CTBP2: variants seen among roughly 807,000 people sequenced by gnomAD.
CTBP2 encodes the protein C-terminal binding protein 2.
CTBP2 carries 30 observed loss-of-function variants against 80.3 expected under a neutral mutation model. That is an observed-to-expected ratio of 0.37 (90% CI 0.28 to 0.51). CTBP2 has a LOEUF of 0.51. Among genes scored for constraint, CTBP2 ranks in the 20% least tolerant of loss-of-function variants. The probability of loss-of-function intolerance (pLI) is 0.93; values close to 1 mark genes in which losing one functional copy is unlikely to be tolerated. For synonymous variants in CTBP2, 594 were observed against 587.4 expected (o/e 1.01, Z -0.16); for missense variants, 1,212 against 1,375.3 (o/e 0.88, Z 1.88).
chr10:125,129,182 T>C (rs1484315278), intron 1 of CTBP2, among the ~76,000 whole-genome samples: 1 of 152,054 alleles, frequency 6.6e-6, no homozygotes, highest in Non-Finnish European at 1.5e-5. Flanking sequence ...ACTACCTCTG[T>C]TGAAGGAAAA....
chr10:125,058,563 G>T (rs753575210), intron 2 of CTBP2, among the ~76,000 whole-genome samples: 1 of 152,088 alleles, frequency 6.6e-6, no homozygotes, highest in Non-Finnish European at 1.5e-5. Flanking sequence ...AGGCTGAGGC[G>T]GGCAGATCAC....
intron 2 of CTBP2, among the ~76,000 whole-genome samples, chr10:125,064,079 G>A (rs192424740): frequency 2.6e-4 from 39 of 152,290 alleles, no homozygotes; most frequent in African/African-American, 8.9e-4. Context: ...ACTGCCAGTA[G>A]GTTTTGTATT....
intron 2 of CTBP2, among the ~76,000 whole-genome samples, chr10:125,069,045 G>A (rs1248929271): frequency 1.3e-5 from 2 of 152,092 alleles, no homozygotes; most frequent in Admixed American, 6.5e-5. Flanking sequence ...CAGGGCTGGG[G>A]TAGAGCTGGT....
At chr10:125,030,791 C>G (rs2938002), upstream of CTBP2, among the ~76,000 whole-genome samples, 70,175 of 152,034 alleles carry the variant, frequency 0.46, 16,507 homozygotes, top group East Asian at 0.63. Context: ...CAGGGAATAG[C>G]TCATTCTCAG....
intron 2 of CTBP2, among the ~76,000 whole-genome samples, chr10:125,077,142 A>G (rs938960336): frequency 6.6e-6 from 1 of 152,328 alleles, no homozygotes; most frequent in Admixed American, 6.5e-5. Flanking sequence ...CCAAGGTTTT[A>G]TAAGTTAAAT....
intron 3 of CTBP2, 90 bp from the exon 6 acceptor site, chr10:124,998,260 G>A (rs1404060458): frequency 1.2e-5 from 17 of 1,418,458 alleles, no homozygotes; most frequent in African/African-American, 4.2e-5. Flanking sequence ...CCTGAGACTC[G>A]GTTGTTGGCA....
intron 2 of CTBP2, among the ~76,000 whole-genome samples, chr10:125,108,815 G>A (rs1286922807): frequency 6.6e-6 from 1 of 152,256 alleles, no homozygotes; most frequent in African/African-American, 2.4e-5. Context: ...CCATGCTCCA[G>A]TGATGGCCAG....
chr10:125,075,138 C>G (rs1846085459), intron 2 of CTBP2, among the ~76,000 whole-genome samples: 1 of 152,152 alleles, frequency 6.6e-6, no homozygotes, highest in Admixed American at 6.5e-5. Context: ...AAAGCTTCTG[C>G]TCATCAAAAA....
chr10:125,121,806 G>A (rs892228386), intron 1 of CTBP2, among the ~76,000 whole-genome samples: 1 of 152,206 alleles, frequency 6.6e-6, no homozygotes. Flanking sequence ...ACACCACGCT[G>A]TCACCCAGGC....
chr10:125,144,330 A>T (rs913303855), intron 1 of CTBP2, among the ~76,000 whole-genome samples: 1 of 152,328 alleles, frequency 6.6e-6, no homozygotes. Context: ...ACCAGTTCGG[A>T]TCTCGCTCGA....
chr10:124,991,532 AG>A (rs1952615416), intron 8 of CTBP2, among the ~76,000 whole-genome samples: 1 of 152,228 alleles, frequency 6.6e-6, no homozygotes, highest in South Asian at 2.1e-4. Context: ...GCACCGGCAT[AG>A]CTTCTTCAAG....
intron 2 of CTBP2, among the ~76,000 whole-genome samples, chr10:125,044,464 G>A (rs1960730630): frequency 6.6e-6 from 1 of 152,186 alleles, no homozygotes; most frequent in African/African-American, 2.4e-5. Context: ...CATGTGCTCA[G>A]GCCACCTCAA....
rs193168324 is a variant in CTBP2 at position 125,112,833 on chromosome 10, G to A, written c.-205-1740C>T. 7.9e-5 allele frequency among the ~76,000 whole-genome samples: 12 copies of A among 152,302 alleles called. No homozygotes were observed. In the East Asian group the frequency reaches 2.3e-3, roughly 29 times the overall value. On this transcript the variant is annotated intron_variant, in intron 1 of 10. Transcript: ENST00000337195. Reference sequence around the variant, plus strand: ...ATTAGCAATGGGGCTAATCTCCTAGGATCCAATCCCGTGACAGGCATTTTC... The same window carrying A: ...ATTAGCAATGGGGCTAATCTCCTAGAATCCAATCCCGTGACAGGCATTTTC...
intron 2 of CTBP2, among the ~76,000 whole-genome samples, chr10:125,110,237 C>T (rs74163337): frequency 2.0e-4 from 31 of 152,292 alleles, no homozygotes; most frequent in African/African-American, 6.7e-4. Context: ...TGTTACCTCA[C>T]GGGGAAAACA....
chr10:125,078,740 C>T (rs773037787), intron 2 of CTBP2, among the ~76,000 whole-genome samples: 5 of 152,154 alleles, frequency 3.3e-5, no homozygotes, highest in African/African-American at 1.2e-4. Context: ...GGACTCATGA[C>T]TCTCACCCAG....
At chr10:125,125,789 G>A (rs1012893597) in intron 1 of CTBP2, among the ~76,000 whole-genome samples, 1 of 152,210 alleles carries the variant, frequency 6.6e-6, no homozygotes, top group Non-Finnish European at 1.5e-5. Flanking sequence ...AAAAACAGCA[G>A]AAAGCTCTTG....
intron 3 of CTBP2, chr10:125,000,383 G>A (rs1405023570): frequency 6.6e-6 from 1 of 152,248 alleles, no homozygotes; most frequent in African/African-American, 2.4e-5. Flanking sequence ...GATACTCGCA[G>A]GCTGGGCCTC....
At chr10:125,143,714 T>C (rs945077043) in intron 1 of CTBP2, among the ~76,000 whole-genome samples, 2 of 152,240 alleles carry the variant, frequency 1.3e-5, no homozygotes, top group Non-Finnish European at 2.9e-5. Flanking sequence ...TCTCCGTTCA[T>C]GCATTCCACT....
intron 1 of CTBP2, among the ~76,000 whole-genome samples, chr10:125,131,429 G>C (rs1412585899): frequency 1.3e-5 from 2 of 152,202 alleles, no homozygotes; most frequent in African/African-American, 4.8e-5. Flanking sequence ...AAGGGCAGAA[G>C]GGAGGGGCAG....
Sources: gnomAD v4.1 joint callset for allele counts (sites outside exome capture counted in the v4.1 genomes callset) on GRCh38, gnomAD v4.1.1 for gene constraint, MANE v1.5 for transcripts, NCBI Gene and HGNC (gene_info 2026-07-23, HGNC 2026-07-21) for gene names.